Variants in ATP8A1 observed in about 807,000 individuals in gnomAD.
ATP8A1 encodes phospholipid-transporting ATPase IA.
In ATP8A1, 90 loss-of-function variants were observed where a neutral mutation model predicts 177.7. The observed-to-expected ratio is 0.51, with a 90% CI of 0.43 to 0.60. ATP8A1 has a LOEUF of 0.60. Among genes scored for constraint, ATP8A1 ranks in the 20% least tolerant of loss-of-function variants. The pLI is 0.00. For missense variants in ATP8A1, 1,072 were observed against 1,392.8 expected (o/e 0.77, Z 3.67); for synonymous variants, 493 against 485.9 (o/e 1.01, Z -0.19).
chr4:42,588,233 T>A (rs372245892), intron 8 of ATP8A1, 27 bp downstream of exon 8: 3 of 1,555,194 alleles, frequency 1.9e-6, no homozygotes, highest in Non-Finnish European at 2.7e-6. Context: ...TAGCAGTGAT[T>A]ATACATATAC....
chr4:42,617,256 A>G (rs1228124135), intron 4 of ATP8A1, among the ~76,000 whole-genome samples: 1 of 152,232 alleles, frequency 6.6e-6, no homozygotes, highest in African/African-American at 2.4e-5. Context: ...CAGCTACTGA[A>G]CTGCACAAAA....
rs984536831 is a variant in ATP8A1 at position 42,617,924 on chromosome 4, A to G, written c.364-1846T>C. On this transcript the variant is annotated intron_variant, in intron 4 of 36. Coordinates refer to ENST00000381668, the MANE Select transcript of ATP8A1 (RefSeq NM_006095.2). The stretch of plus-strand genomic sequence containing the variant: ...CCATGCCTACAAAAAGAAAGCATCT[A>G]ACTTTTGTGTCTTGATAAGATTATT... 2.6e-5 allele frequency among the ~76,000 whole-genome samples: 4 copies of G among 152,220 alleles called. No homozygotes were observed. In the East Asian group the frequency reaches 7.7e-4, roughly 29 times the overall value.
At chr4:42,488,762 C>T (rs950913009) in intron 24 of ATP8A1, among the ~76,000 whole-genome samples, 1 of 152,104 alleles carries the variant, frequency 6.6e-6, no homozygotes, top group Non-Finnish European at 1.5e-5. Flanking sequence ...TCATCTGCTG[C>T]CTTCAAAAAC....
chr4:42,485,548 G>A lies in ATP8A1; in HGVS notation c.2272C>T (p.Arg758Ter), dbSNP rs1198813685. ...AAAGCTAAGTCCAGGAAATACTGTC[G>A]TACTCCAAAGGTTAAGGCATATTTG... ...TLKYALTFGVRQYFLDLALSC... is the reference protein window; with the variant it reads ...TLKYALTFGV Residue 758 changes from arginine (R) to a stop codon, truncating the protein, a stop_gained, in exon 25 of 37, where the codon CGA becomes TGA. Transcript: ENST00000381668. LOFTEE classifies it high-confidence loss of function. 8 of 1,613,572 alleles carry A rather than the reference G, an allele frequency of 5.0e-6. No individual in the cohort carries two copies. Among genetic ancestry groups the A allele is most frequent in the South Asian group, 1.1e-5 (1 of 91,012 alleles).
At chr4:42,566,258 C>G (rs1429925440) in intron 15 of ATP8A1, among the ~76,000 whole-genome samples, 1 of 152,018 alleles carries the variant, frequency 6.6e-6, no homozygotes, top group Non-Finnish European at 1.5e-5. Flanking sequence ...TCAAGTCGGG[C>G]AGTAAAATAC....
intron 1 of ATP8A1, among the ~76,000 whole-genome samples, chr4:42,627,959 C>T (rs35231655): frequency 0.19 from 28,331 of 152,096 alleles, 2,731 homozygotes; most frequent in Non-Finnish European, 0.21. Context: ...TTAGGTAAAA[C>T]GTCTTTGGGT....
In ATP8A1 at chr4:42,490,027, C is replaced by T. The variant is rs571641041; in HGVS notation, c.2152-4359G>A. On this transcript the variant is annotated intron_variant, in intron 24 of 36. Coordinates refer to ENST00000381668, the MANE Select transcript of ATP8A1 (RefSeq NM_006095.2). ...AGAGACATTGCAAGGTAAAGGCAAT[C>T]TGGGGAGATGGACAGGTAAGAGGAA... Among the ~76,000 whole-genome samples, 5 of 152,276 alleles carry T rather than the reference C, an allele frequency of 3.3e-5. No homozygotes were observed. In the South Asian group the frequency reaches 1.0e-3, roughly 32 times the overall value.
chr4:42,419,927 T>C (rs1713682470), intron 35 of ATP8A1, among the ~76,000 whole-genome samples: 1 of 151,752 alleles, frequency 6.6e-6, no homozygotes, highest in Admixed American at 6.6e-5. Context: ...GGTGTGAATC[T>C]GGGAGGCAGA....
At chr4:42,552,903 C>T (rs1024598527) in intron 16 of ATP8A1, among the ~76,000 whole-genome samples, 1 of 152,062 alleles carries the variant, frequency 6.6e-6, no homozygotes, top group Non-Finnish European at 1.5e-5. Context: ...CGCTTGAACC[C>T]GGGAGGCGGG....
chr4:42,645,467 C>T (rs1229379909), intron 1 of ATP8A1, among the ~76,000 whole-genome samples: 1 of 152,138 alleles, frequency 6.6e-6, no homozygotes, highest in Non-Finnish European at 1.5e-5. Context: ...GTTTTCAATA[C>T]CACTGCACAT....
intron 12 of ATP8A1, 52 bp downstream of exon 12, chr4:42,578,208 C>T (rs1456543824): frequency 6.8e-7 from 1 of 1,481,086 alleles, no homozygotes; most frequent in Non-Finnish European, 9.0e-7. Flanking sequence ...ATCAAAATAT[C>T]CTAAGGACAA....
chr4:42,467,519 CA>C (rs1719905816), intron 25 of ATP8A1, among the ~76,000 whole-genome samples: 1 of 152,044 alleles, frequency 6.6e-6, no homozygotes, highest in African/African-American at 2.4e-5. Context: ...TGGTAAAATC[CA>C]ATCTCAAATA....
intron 5 of ATP8A1, among the ~76,000 whole-genome samples, chr4:42,610,214 A>C (rs916755890): frequency 2.6e-5 from 4 of 151,432 alleles, no homozygotes; most frequent in African/African-American, 9.7e-5. Context: ...TCTTCCCGAC[A>C]AGATTATAAT....
chr4:42,488,439 G>A (rs992963587), intron 24 of ATP8A1, among the ~76,000 whole-genome samples: 16 of 151,464 alleles, frequency 1.1e-4, no homozygotes, highest in Admixed American at 6.6e-5. Flanking sequence ...AGTACCAGGC[G>A]CAGCAAGTTA....
intron 25 of ATP8A1, among the ~76,000 whole-genome samples, chr4:42,473,033 A>G (rs996206234): frequency 4.6e-5 from 7 of 152,314 alleles, no homozygotes; most frequent in African/African-American, 1.7e-4. Flanking sequence ...GAAGTTCTAG[A>G]TACTCAGAAG....
At chr4:42,590,501 G>A in intron 7 of ATP8A1, among the ~76,000 whole-genome samples, 1 of 151,972 alleles carries the variant, frequency 6.6e-6, no homozygotes, top group Non-Finnish European at 1.5e-5. Context: ...TTAGTACTTA[G>A]GCATGTTATT....
At chr4:42,436,826 G>A in intron 33 of ATP8A1, among the ~76,000 whole-genome samples, 1 of 152,168 alleles carries the variant, frequency 6.6e-6, no homozygotes, top group South Asian at 2.1e-4. Flanking sequence ...AAAGCTGATA[G>A]ATCAATAAAG....
chr4:42,409,351 C>T lies in ATP8A1; in HGVS notation c.*3565G>A, dbSNP rs1440800182. The T allele has an allele frequency of 1.3e-5, 2 of 152,046 alleles. No individual in the cohort carries two copies. The highest frequency in any genetic ancestry group is 1.5e-5 in the Non-Finnish European group (1 of 67,968). 9.4% of individuals were successfully genotyped at this position (152,046 alleles called of 1,614,324 possible). A position where few individuals can be genotyped will look rare whatever the true frequency, so the allele number is the denominator to read the frequency against. ...CTGTTGAAGGTTAATTAAAATGCAG[C>T]AAAGTATAACTACGTTACACAAGTG... is the stretch of plus-strand genomic sequence containing the variant. On this transcript the variant is annotated 3_prime_UTR_variant, in exon 37 of 37. Coordinates refer to ENST00000381668, the MANE Select transcript of ATP8A1 (RefSeq NM_006095.2).
chr4:42,614,995 T>C (rs1560521349), intron 5 of ATP8A1, among the ~76,000 whole-genome samples: 1 of 152,212 alleles, frequency 6.6e-6, no homozygotes, highest in Non-Finnish European at 1.5e-5. Context: ...CCGAAGATAA[T>C]TGAGATCATG....
Sources: gnomAD v4.1 joint callset for allele counts (sites outside exome capture counted in the v4.1 genomes callset) on GRCh38, gnomAD v4.1.1 for gene constraint, MANE v1.5 for transcripts, NCBI Gene and HGNC (gene_info 2026-07-23, HGNC 2026-07-21) for gene names.